The following LAMP5 variants were observed in gnomAD, a reference collection of about 807,000 sequenced individuals.
LAMP5 encodes lysosome associated membrane protein 5, also known as lysosome-associated membrane glycoprotein 5.
In LAMP5, 36 loss-of-function variants were observed where a neutral mutation model predicts 30.2. The observed-to-expected ratio is 1.19, with a 90% CI of 0.91 to 1.57. The LOEUF (loss-of-function observed/expected upper bound fraction) is 1.57, where lower values mean the gene tolerates loss of function less well. Among genes scored for constraint, LAMP5 ranks in the 40% most tolerant of loss-of-function variants. The pLI is 0.00. For synonymous variants in LAMP5, 149 were observed against 134.6 expected (o/e 1.11, Z -0.74); for missense variants, 377 against 354.9 (o/e 1.06, Z -0.50).
In LAMP5 at chr20:9,529,910, C is replaced by T; in HGVS notation, c.*90C>T. 7.8e-7 allele frequency: 1 copy of T among 1,283,982 alleles called. No individual in the cohort carries two copies. Among genetic ancestry groups the T allele is most frequent in the Non-Finnish European group, 1.1e-6 (1 of 908,492 alleles). The allele number at this position is 1,283,982 out of a possible 1,614,324, so 79.5% of individuals were successfully genotyped here. On this transcript the variant is annotated 3_prime_UTR_variant, in exon 6 of 6. Coordinates refer to ENST00000246070, the MANE Select transcript of LAMP5 (RefSeq NM_012261.4). ...ACTTTTCCATCTTGTACACGAGATA[C>T]ACCAACATAGCTACAATCAAACAGG...
intron 1 of LAMP5, 92 bp downstream of exon 1, chr20:9,515,008 A>G (rs2045025030): frequency 8.5e-7 from 1 of 1,172,684 alleles, no homozygotes; most frequent in Non-Finnish European, 1.3e-6. Context: ...TGAGATAAAA[A>G]ATATGGCCCT....
chr20:9,522,562 C>T (rs1381127936), intron 5 of LAMP5, among the ~76,000 whole-genome samples: 7 of 152,218 alleles, frequency 4.6e-5, no homozygotes, highest in Admixed American at 1.3e-4. Flanking sequence ...CCCCAGCCTT[C>T]GGCCATGGAG....
Position 9,514,817 on chromosome 20 carries a change from A to G in LAMP5, c.-36A>G, listed in dbSNP as rs374063199. ...GGATTCCCTCTCTGGCGGCCTCTGC[A>G]GCAGCACAGCCGGCCTCATTCGGGG... On this transcript the variant is annotated 5_prime_UTR_variant, in exon 1 of 6. Coordinates refer to ENST00000246070, the MANE Select transcript of LAMP5 (RefSeq NM_012261.4). 2.7e-5 allele frequency: 44 copies of G among 1,609,418 alleles called. No individual in the cohort carries two copies. The highest frequency in any genetic ancestry group is 4.5e-5 in the East Asian group (2 of 44,850).
chr20:9,522,610 C>T (rs891703254), intron 5 of LAMP5, among the ~76,000 whole-genome samples: 1 of 152,230 alleles, frequency 6.6e-6, no homozygotes, highest in Non-Finnish European at 1.5e-5. Flanking sequence ...GGATACTGTC[C>T]TCTGGAGAGA....
chr20:9,518,352 G>A (rs2045057203), intron 5 of LAMP5, 124 bp downstream of exon 5: 1 of 751,030 alleles, frequency 1.3e-6, no homozygotes, highest in Non-Finnish European at 2.2e-6. Context: ...GACACTGCCT[G>A]CCTCTTTAAT....
chr20:9,517,946 T>C (rs1452222546), intron 4 of LAMP5, 94 bp from the exon 5 acceptor site: 1 of 1,050,718 alleles, frequency 9.5e-7, no homozygotes, highest in Non-Finnish European at 1.4e-6. Context: ...AGGAGGGGTG[T>C]GGTGTCTGGA....
rs1400365359 is a variant in LAMP5, at chr20:9,530,075, G to A, written c.*255G>A. On this transcript the variant is annotated 3_prime_UTR_variant, in exon 6 of 6. Coordinates refer to ENST00000246070, the MANE Select transcript of LAMP5 (RefSeq NM_012261.4). ...GGGAGGAGGGTCTCAGACAGCTTTC[G>A]TGCTCATGGTGGCTTGGCTTTGACT... 8.9e-6 allele frequency: 3 copies of A among 336,374 alleles called. No homozygotes were observed. The highest frequency in any genetic ancestry group is 4.2e-5 in the Admixed American group (1 of 23,676). 20.8% of individuals were successfully genotyped at this position (336,374 alleles called of 1,614,324 possible).
rs2045136482 is a variant in LAMP5, at chr20:9,529,643, G to A, written c.666G>A (p.Glu222=). ...TGCTTTTCTTCTTTCCCATTGCAGA[G>A]CATAAATGCCCAGTGGATGAGCGGG... The part of the protein sequence containing the change: ...DIISDFVFSE[E]HKCPVDEREQ... The change falls in exon 6 of 6, where the codon GAG becomes GAA. Residue 222 remains glutamate (E), a splice_region_variant and synonymous_variant. Coordinates refer to ENST00000246070, the MANE Select transcript of LAMP5 (RefSeq NM_012261.4). 6.2e-7 allele frequency: 1 copy of A among 1,613,810 alleles called. No homozygotes were observed. The highest frequency in any genetic ancestry group is 8.5e-7 in the Non-Finnish European group (1 of 1,179,854).
chr20:9,519,726 C>T (rs894893218), intron 5 of LAMP5, among the ~76,000 whole-genome samples: 1 of 152,138 alleles, frequency 6.6e-6, no homozygotes, highest in Admixed American at 6.6e-5. Flanking sequence ...TTCCTAGTCC[C>T]CAGGACCCTG....
Position 9,515,531 on chromosome 20 carries a change from T to A in LAMP5, c.143T>A (p.Phe48Tyr), listed in dbSNP as rs915573750. Residue 48 changes from phenylalanine to tyrosine, a missense_variant, in exon 2 of 6, where the codon TTT becomes TAT. Phe to Tyr is a conservative substitution (Grantham distance 22). Transcript: ENST00000246070. ...GLSTNPEKDI[F>Y]VVRENGTTCL... ...TCCACTAACCCTGAAAAAGATATATTTGTGGTGCGGGAAAATGGGACGACG... is the reference window on the plus strand; with the variant it reads ...TCCACTAACCCTGAAAAAGATATATATGTGGTGCGGGAAAATGGGACGACG... 1 of 1,614,030 alleles carries A rather than the reference T, an allele frequency of 6.2e-7. No homozygotes were observed. The highest frequency in any genetic ancestry group is 8.5e-7 in the Non-Finnish European group (1 of 1,180,044).
At chr20:9,520,342 C>T (rs2045070979) in intron 5 of LAMP5, among the ~76,000 whole-genome samples, 1 of 152,208 alleles carries the variant, frequency 6.6e-6, no homozygotes, top group Non-Finnish European at 1.5e-5. Context: ...CTCCTCCCTT[C>T]TGTTCCTCTC....
chr20:9,527,589 G>T (rs570651021), intron 5 of LAMP5, among the ~76,000 whole-genome samples: 2 of 152,146 alleles, frequency 1.3e-5, no homozygotes, highest in Admixed American at 6.5e-5. Context: ...TTACTTGGTC[G>T]TCTGGACTTA....
At chr20:9,517,938 G>A in intron 4 of LAMP5, 102 bp from the exon 5 acceptor site, 1 of 974,234 alleles carries the variant, frequency 1.0e-6, no homozygotes. Context: ...GAGAGGACAG[G>A]AGGGGTGTGG....
chr20:9,522,819 C>T, intron 5 of LAMP5, among the ~76,000 whole-genome samples: 1 of 152,202 alleles, frequency 6.6e-6, no homozygotes, highest in East Asian at 1.9e-4. Flanking sequence ...GTGTCCACTA[C>T]ACCTAGGTAC....
chr20:9,521,830 AAATAT>A (rs777357596), intron 5 of LAMP5, among the ~76,000 whole-genome samples: 3 of 152,202 alleles, frequency 2.0e-5, no homozygotes, highest in Admixed American at 6.5e-5. Context: ...ATGTCAGAAA[AAATAT>A]AATAGAATAG....
intron 5 of LAMP5, among the ~76,000 whole-genome samples, chr20:9,519,065 A>C (rs1345341227): frequency 6.6e-6 from 1 of 152,202 alleles, no homozygotes; most frequent in Non-Finnish European, 1.5e-5. Flanking sequence ...CTGCAGAGGT[A>C]GGGCACAAGG....
chr20:9,516,948 C>T (rs2045044978), intron 4 of LAMP5, among the ~76,000 whole-genome samples: 1 of 152,118 alleles, frequency 6.6e-6, no homozygotes, highest in South Asian at 2.1e-4. Flanking sequence ...CTCGGCAAAA[C>T]GAGCGTTCAT....
chr20:9,516,990 A>G (rs1042786596), intron 4 of LAMP5, among the ~76,000 whole-genome samples: 4 of 152,150 alleles, frequency 2.6e-5, no homozygotes, highest in African/African-American at 9.7e-5. Context: ...ATCTGCAGAC[A>G]CCGTCAAAGA....
At chr20:9,527,074 C>G (rs1181171693) in intron 5 of LAMP5, among the ~76,000 whole-genome samples, 3 of 151,848 alleles carry the variant, frequency 2.0e-5, no homozygotes, top group African/African-American at 7.3e-5. Context: ...GTATCCAGCT[C>G]ATTGAATTTT....
Sources: allele counts gnomAD v4.1 joint callset (sites outside exome capture counted in the v4.1 genomes callset), GRCh38; gene constraint gnomAD v4.1.1; transcripts MANE v1.5; gene names NCBI Gene and HGNC (gene_info 2026-07-23, HGNC 2026-07-21).